The following TACR3 variants were observed in gnomAD, a reference collection of about 807,000 sequenced individuals.
TACR3 encodes the protein tachykinin receptor 3.
Under a neutral mutation model 35.0 loss-of-function variants are expected in TACR3, and 34 were observed. The observed-to-expected ratio is 0.97, with a 90% CI of 0.74 to 1.30. TACR3 has a LOEUF of 1.30. Among genes scored for constraint, TACR3 ranks in the 50% most tolerant of loss-of-function variants. TACR3 has a pLI of 0.00. For synonymous variants in TACR3, 233 were observed against 221.1 expected (o/e 1.05, Z -0.48); for missense variants, 558 against 591.7 (o/e 0.94, Z 0.59).
chr4:103,610,961 T>G (rs1410037843), intron 3 of TACR3, among the ~76,000 whole-genome samples: 1 of 152,160 alleles, frequency 6.6e-6, no homozygotes, highest in Non-Finnish European at 1.5e-5. Flanking sequence ...CTGGGTTCTC[T>G]AATCTGTTCC....
intron 3 of TACR3, among the ~76,000 whole-genome samples, chr4:103,602,521 A>G (rs1235617964): frequency 6.7e-6 from 1 of 149,540 alleles, no homozygotes; most frequent in Non-Finnish European, 1.5e-5. Context: ...TTGTGGTTTT[A>G]TCCACCTTTG....
chr4:103,651,808 G>A (rs1725624374), intron 3 of TACR3, among the ~76,000 whole-genome samples: 1 of 151,756 alleles, frequency 6.6e-6, no homozygotes, highest in Admixed American at 6.6e-5. Context: ...AGTCGGTGAT[G>A]GGTCTTGCTG....
chr4:103,644,216 G>A (rs1403689654), intron 3 of TACR3, among the ~76,000 whole-genome samples: 1 of 151,676 alleles, frequency 6.6e-6, no homozygotes, highest in Admixed American at 6.6e-5. Flanking sequence ...ATTGCAAGTC[G>A]TACCATGAGG....
intron 2 of TACR3, 150 bp from the exon 3 acceptor site, chr4:103,656,494 T>TAAGTGACAATAG: frequency 1.3e-6 from 1 of 754,968 alleles, no homozygotes; most frequent in Non-Finnish European, 2.2e-6. Flanking sequence ...CATCAAAATA[T>TAAGTGACAATAG]CATGCTATTG....
chr4:103,630,273 C>A (rs894119236), intron 3 of TACR3, among the ~76,000 whole-genome samples: 6 of 152,160 alleles, frequency 3.9e-5, no homozygotes, highest in African/African-American at 1.4e-4. Context: ...AGGACATAGG[C>A]ATGGGCAAGG....
intron 1 of TACR3, among the ~76,000 whole-genome samples, chr4:103,711,089 A>C (rs764149427): frequency 2.0e-5 from 3 of 152,128 alleles, no homozygotes; most frequent in African/African-American, 7.2e-5. Flanking sequence ...ACCATTCCTT[A>C]TGAAACTATT....
intron 3 of TACR3, among the ~76,000 whole-genome samples, chr4:103,618,156 C>T (rs1245008581): frequency 7.9e-5 from 12 of 152,028 alleles, no homozygotes; most frequent in African/African-American, 1.4e-4. Flanking sequence ...TTGCCAAGGT[C>T]GATGTTGAGA....
intron 3 of TACR3, among the ~76,000 whole-genome samples, chr4:103,606,186 C>A (rs894080661): frequency 1.3e-5 from 2 of 151,406 alleles, no homozygotes; most frequent in Admixed American, 6.6e-5. Context: ...TGGTCTATAT[C>A]TCTGTTTTGG....
chr4:103,686,344 T>C (rs1014039693), intron 1 of TACR3, among the ~76,000 whole-genome samples: 11 of 152,166 alleles, frequency 7.2e-5, no homozygotes, highest in Admixed American at 6.6e-4. Context: ...TCACAACCGC[T>C]GACCAGTTAT....
intron 1 of TACR3, among the ~76,000 whole-genome samples, chr4:103,701,455 G>A (rs1327098960): frequency 6.6e-6 from 1 of 152,000 alleles, no homozygotes; most frequent in Non-Finnish European, 1.5e-5. Context: ...AATCAATATT[G>A]TGAAAATGGC....
intron 1 of TACR3, among the ~76,000 whole-genome samples, chr4:103,674,989 A>T (rs1446438377): frequency 6.6e-6 from 1 of 152,236 alleles, no homozygotes; most frequent in Non-Finnish European, 1.5e-5. Context: ...CTTCAGAAGA[A>T]ATCTTACTAT....
intron 1 of TACR3, among the ~76,000 whole-genome samples, chr4:103,682,342 T>C (rs901156653): frequency 6.6e-6 from 1 of 152,152 alleles, no homozygotes. Context: ...GTAGGTTTAA[T>C]TGACTCACAG....
At chr4:103,605,830 T>G (rs1394554965) in intron 3 of TACR3, among the ~76,000 whole-genome samples, 1 of 152,158 alleles carries the variant, frequency 6.6e-6, no homozygotes, top group East Asian at 1.9e-4. Context: ...TTAGTTTAAT[T>G]AGATCCCATT....
chr4:103,675,805 G>C (rs1726158024), intron 1 of TACR3, among the ~76,000 whole-genome samples: 1 of 152,030 alleles, frequency 6.6e-6, no homozygotes, highest in African/African-American at 2.4e-5. Flanking sequence ...AAAGGCCAAA[G>C]AGCAAGGGAC....
chr4:103,708,155 G>C (rs985055157), intron 1 of TACR3, among the ~76,000 whole-genome samples: 2 of 152,176 alleles, frequency 1.3e-5, no homozygotes, highest in Non-Finnish European at 2.9e-5. Flanking sequence ...AGAGAGTAGT[G>C]GTTCTCCCAG....
intron 3 of TACR3, among the ~76,000 whole-genome samples, chr4:103,606,281 T>C (rs1240336638): frequency 2.0e-5 from 3 of 152,062 alleles, no homozygotes; most frequent in African/African-American, 4.8e-5. Flanking sequence ...TTTGTTCTTT[T>C]GGCTTAGGAT....
rs72945350 is a variant in TACR3, at chr4:103,626,901, G to A, written c.888+29293C>T. Among the ~76,000 whole-genome samples, 525 of 151,934 alleles carry A rather than the reference G, an allele frequency of 3.5e-3. 4 individuals carry two copies. Among genetic ancestry groups the A allele is most frequent in the African/African-American group, 0.012 (480 of 41,440 alleles). On this transcript the variant is annotated intron_variant, in intron 3 of 4. Transcript: ENST00000304883. ...TGTTTTAATTGTGGTGGGGCCGAGC[G>A]CGGTAGCTCACACCCGTTATCCCAG...
chr4:103,679,725 A>G (rs1024423244), intron 1 of TACR3, among the ~76,000 whole-genome samples: 3 of 151,970 alleles, frequency 2.0e-5, no homozygotes, highest in Admixed American at 1.3e-4. Context: ...AATTTATGTA[A>G]TAACATTCCA....
At chr4:103,662,609 T>C (rs911509811) in intron 1 of TACR3, among the ~76,000 whole-genome samples, 5 of 152,134 alleles carry the variant, frequency 3.3e-5, no homozygotes, top group Admixed American at 6.5e-5. Context: ...TATTTGGAAA[T>C]AGATTCTTTA....
Sources: allele counts gnomAD v4.1 joint callset (sites outside exome capture counted in the v4.1 genomes callset), GRCh38; gene constraint gnomAD v4.1.1; transcripts MANE v1.5; gene names NCBI Gene and HGNC (gene_info 2026-07-23, HGNC 2026-07-21).